The following FBXO33 variants were observed in gnomAD, a reference collection of about 807,000 sequenced individuals.
FBXO33 encodes F-box only protein 33.
Under a neutral mutation model 46.3 loss-of-function variants are expected in FBXO33, and 22 were observed. The observed-to-expected ratio is 0.48, with a 90% CI of 0.34 to 0.68. FBXO33 has a LOEUF of 0.68. FBXO33 is among the 30% of genes least tolerant of loss of function. The pLI is 0.01. For missense variants in FBXO33, 692 were observed against 708.8 expected, an observed-to-expected ratio of 0.98 and a Z score of 0.27; for synonymous variants, 337 against 291.3, an observed-to-expected ratio of 1.16 and a Z score of -1.60.
chr14:39,428,507 T>C (rs539279578), intron 1 of FBXO33, among the ~76,000 whole-genome samples: 66 of 151,694 alleles, frequency 4.4e-4, no homozygotes, highest in Non-Finnish European at 7.9e-4. Flanking sequence ...TGGCCAACGA[T>C]ATGAATTCTC....
intron 1 of FBXO33, among the ~76,000 whole-genome samples, chr14:39,431,039 C>T (rs2075543938): frequency 2.6e-5 from 4 of 152,194 alleles, no homozygotes. Flanking sequence ...ACTCCTCCTC[C>T]TCTTCGGGCC....
At chr14:39,415,436 A>G (rs558098613) in intron 1 of FBXO33, among the ~76,000 whole-genome samples, 14 of 152,330 alleles carry the variant, frequency 9.2e-5, no homozygotes, top group East Asian at 3.9e-4. Context: ...AAAAAACATA[A>G]TATCTGTGAA....
At chr14:39,424,967 G>A (rs894943164) in intron 1 of FBXO33, among the ~76,000 whole-genome samples, 7 of 152,132 alleles carry the variant, frequency 4.6e-5, no homozygotes, top group Admixed American at 1.3e-4. Context: ...CAGGAGAATC[G>A]CTTCCACCTG....
chr14:39,419,478 ATAG>A (rs1184794165), intron 1 of FBXO33, among the ~76,000 whole-genome samples: 1 of 152,208 alleles, frequency 6.6e-6, no homozygotes, highest in Admixed American at 6.5e-5. Context: ...ATTGTTTCAG[ATAG>A]TAAAGAGACT....
intron 1 of FBXO33, among the ~76,000 whole-genome samples, chr14:39,402,994 A>G (rs548995165): frequency 6.6e-6 from 1 of 152,316 alleles, no homozygotes; most frequent in African/African-American, 2.4e-5. Flanking sequence ...ATGACCATGG[A>G]AAAGTCTCTT....
At chr14:39,430,634 G>T (rs1023489657) in intron 1 of FBXO33, among the ~76,000 whole-genome samples, 1 of 152,088 alleles carries the variant, frequency 6.6e-6, no homozygotes, top group Non-Finnish European at 1.5e-5. Flanking sequence ...TGAAACTGCT[G>T]AAGTATTTTT....
At chr14:39,417,536 AT>A (rs34235810) in intron 1 of FBXO33, among the ~76,000 whole-genome samples, 47 of 148,882 alleles carry the variant, frequency 3.2e-4, no homozygotes, top group Admixed American at 4.7e-4. Context: ...AAGTATTGTT[AT>A]TTTTTTTTTT....
At chr14:39,415,677 CTTTTT>C (rs2075444759) in intron 1 of FBXO33, among the ~76,000 whole-genome samples, 1 of 151,970 alleles carries the variant, frequency 6.6e-6, no homozygotes, top group Non-Finnish European at 1.5e-5. Context: ...TTGGCTTTTT[CTTTTT>C]TTGAGACAGA....
intron 1 of FBXO33, among the ~76,000 whole-genome samples, chr14:39,415,752 T>C (rs900546458): frequency 2.6e-5 from 4 of 151,736 alleles, no homozygotes; most frequent in African/African-American, 9.7e-5. Context: ...CTGCAACCTC[T>C]GCCTCCTAGG....
chr14:39,402,642 T>TAAGTA lies in FBXO33; in HGVS notation c.600-136_600-132dup, dbSNP rs1323076027. 4 of 373,514 alleles carry TAAGTA rather than the reference T, an allele frequency of 1.1e-5. No individual in the cohort carries two copies. In the East Asian group the frequency reaches 1.8e-4, roughly 17 times the overall value. 23.1% of individuals were successfully genotyped at this position (373,514 alleles called of 1,614,324 possible). ...TTTTATAACTCAATTAGAATCCAGT[T>TAAGTA]AAGTACTTTCAGATTGCTTTATACA... On this transcript the variant is annotated intron_variant, in intron 1 of 3. Coordinates refer to ENST00000298097, the MANE Select transcript of FBXO33 (RefSeq NM_203301.4).
At chr14:39,410,451 G>C (rs1282873218) in intron 1 of FBXO33, among the ~76,000 whole-genome samples, 1 of 152,136 alleles carries the variant, frequency 6.6e-6, no homozygotes, top group African/African-American at 2.4e-5. Flanking sequence ...GAGGATTTTG[G>C]TATCTATGTT....
At chr14:39,421,586 A>C (rs2139417089) in intron 1 of FBXO33, among the ~76,000 whole-genome samples, 1 of 152,330 alleles carries the variant, frequency 6.6e-6, no homozygotes, top group Middle Eastern at 3.4e-3. Flanking sequence ...AGAAAAATAA[A>C]AATTTCAGGT....
At chr14:39,409,803 T>C (rs554115569) in intron 1 of FBXO33, among the ~76,000 whole-genome samples, 1 of 152,352 alleles carries the variant, frequency 6.6e-6, no homozygotes, top group South Asian at 2.1e-4. Flanking sequence ...ATTCCCTAAA[T>C]ATTTTGTTCT....
intron 1 of FBXO33, among the ~76,000 whole-genome samples, chr14:39,412,993 T>C (rs576976998): frequency 1.3e-5 from 2 of 152,264 alleles, no homozygotes; most frequent in Admixed American, 1.3e-4. Flanking sequence ...GGGTGATAGC[T>C]GAAGGCTGGA....
At chr14:39,412,302 T>C (rs2075427032) in intron 1 of FBXO33, among the ~76,000 whole-genome samples, 1 of 152,262 alleles carries the variant, frequency 6.6e-6, no homozygotes, top group Non-Finnish European at 1.5e-5. Flanking sequence ...TTTATCATTC[T>C]ATAATGACCT....
chr14:39,402,012 A>G (rs935832785), intron 2 of FBXO33, 151 bp from the exon 3 acceptor site: 29 of 626,070 alleles, frequency 4.6e-5, no homozygotes, highest in Non-Finnish European at 5.8e-5. Context: ...AGTAAATACC[A>G]TTAAAATTCA....
At chr14:39,409,353 C>T (rs978607805) in intron 1 of FBXO33, among the ~76,000 whole-genome samples, 3 of 152,240 alleles carry the variant, frequency 2.0e-5, no homozygotes, top group African/African-American at 7.2e-5. Context: ...ATCCTTTCCC[C>T]ATTTTATGTT....
At chr14:39,411,685 G>A (rs1391723475) in intron 1 of FBXO33, among the ~76,000 whole-genome samples, 2 of 151,886 alleles carry the variant, frequency 1.3e-5, no homozygotes, top group East Asian at 3.9e-4. Flanking sequence ...ACCATGCACA[G>A]ATAATTTTTG....
In FBXO33 at chr14:39,410,770, T is replaced by TA. The variant is rs555956363; in HGVS notation, c.600-8260dup. 9.8e-5 allele frequency among the ~76,000 whole-genome samples: 15 copies of TA among 152,338 alleles called. No homozygotes were observed. In the East Asian group the frequency reaches 2.9e-3, roughly 29 times the overall value. ...TTCAGTTTTGGAAGGTTTATGTTTC[T>TA]ATGAATTTATTTATTCTTCTAGATT... is the stretch of plus-strand genomic sequence containing the variant. On this transcript the variant is annotated intron_variant, in intron 1 of 3. Transcript: ENST00000298097.
Sources: gnomAD v4.1 joint callset for allele counts (sites outside exome capture counted in the v4.1 genomes callset) on GRCh38, gnomAD v4.1.1 for gene constraint, MANE v1.5 for transcripts, NCBI Gene and HGNC (gene_info 2026-07-23, HGNC 2026-07-21) for gene names.